Variants in PRR14L observed in about 807,000 individuals in gnomAD.
PRR14L encodes proline rich 14 like.
PRR14L carries 80 observed loss-of-function variants against 155.0 expected under a neutral mutation model. That is an observed-to-expected ratio of 0.52 (90% CI 0.43 to 0.62). The LOEUF is 0.62. PRR14L is among the 20% of genes least tolerant of loss of function. The probability of loss-of-function intolerance (pLI) is 0.00; values close to 1 mark genes in which losing one functional copy is unlikely to be tolerated. For synonymous variants in PRR14L, 883 were observed against 916.0 expected (o/e 0.96, Z 0.65); for missense variants, 2,469 against 2,548.0 (o/e 0.97, Z 0.67).
rs187032027 is a variant in PRR14L at position 31,702,672 on chromosome 22, C to T, written c.6000+878G>A. Among the ~76,000 whole-genome samples the T allele has an allele frequency of 5.2e-3, 793 of 152,196 alleles. 10 individuals carry two copies. The highest frequency in any genetic ancestry group is 0.018 in the African/African-American group (758 of 41,522). On this transcript the variant is annotated intron_variant, in intron 6 of 8. Transcript: ENST00000327423. ...CTGGGATTACAGGAATGTGCCACCACATTTGGCTAATTTTTGTATTTTTAG... is the reference window on the plus strand; with the variant it reads ...CTGGGATTACAGGAATGTGCCACCATATTTGGCTAATTTTTGTATTTTTAG...
In PRR14L at chr22:31,715,671, G is replaced by A. The variant is rs1368828401; in HGVS notation, c.2168C>T (p.Thr723Ile). 5 of 1,552,288 alleles carry A rather than the reference G, an allele frequency of 3.2e-6. No individual in the cohort carries two copies. The highest frequency in any genetic ancestry group is 1.2e-5 in the South Asian group (1 of 84,066). Residue 723 changes from threonine (T) to isoleucine (I), a missense_variant, in exon 4 of 9, where the codon ACC becomes ATC. By Grantham distance (89) the Thr-to-Ile change is moderately conservative. Coordinates refer to ENST00000327423, the MANE Select transcript of PRR14L (RefSeq NM_173566.3). ...IKDISPPGNQTCGASSNCPTL... is the reference protein window; with the variant it reads ...IKDISPPGNQICGASSNCPTL... ...GGGACAGTTTGAAGAGGCACCACAG[G>A]TTTGGTTACCTGGTGGAGAGATGTC...
Position 31,714,700 on chromosome 22 carries a change from C to A in PRR14L, c.3139G>T (p.Glu1047Ter). ...ATGTCTACCATACCTTCTGTGGACT[C>A]ATCACAACCAGACATCTTGACAAAG... The part of the protein sequence containing the change: ...GAFVKMSGCD[E>*]STEGMVDIVY... Residue 1047 changes from glutamate (E) to a stop codon, truncating the protein, a stop_gained, in exon 4 of 9, where the codon GAG becomes TAG. Transcript: ENST00000327423. LOFTEE classifies it high-confidence loss of function. 6.4e-7 allele frequency: 1 copy of A among 1,552,330 alleles called. No individual in the cohort carries two copies. Among genetic ancestry groups the A allele is most frequent in the Non-Finnish European group, 8.7e-7 (1 of 1,147,110 alleles).
intron 2 of PRR14L, among the ~76,000 whole-genome samples, chr22:31,729,807 G>T (rs892020699): frequency 1.3e-5 from 2 of 152,092 alleles, no homozygotes; most frequent in African/African-American, 4.8e-5. Flanking sequence ...AGTTTGGGAT[G>T]ATAAGAAAAG....
At position 31,712,681 on chromosome 22, in the gene PRR14L, A is replaced by C. The variant is rs1466468158; in HGVS notation, c.5158T>G (p.Ser1720Ala). 1.9e-6 allele frequency: 3 copies of C among 1,551,774 alleles called. No homozygotes were observed. In the South Asian group the frequency reaches 3.6e-5, roughly 18 times the overall value. ...LLFGSEIFPV[S>A]FHVKSSSSDC... ...GAGCTGGATGATTTCACATGAAAGGATACTGGGAAGATTTCAGAACCAAAC... is the reference window on the plus strand; with the variant it reads ...GAGCTGGATGATTTCACATGAAAGGCTACTGGGAAGATTTCAGAACCAAAC... Residue 1720 changes from serine to alanine, a missense_variant, in exon 4 of 9, where the codon TCC becomes GCC. This residue lies in a region of PRR14L where 2,363 missense variants were observed against 2,371.6 expected (regional missense o/e 1.00). Transcript: ENST00000327423.
chr22:31,710,459 C>CT (rs11300993), intron 4 of PRR14L, among the ~76,000 whole-genome samples: 57 of 145,902 alleles, frequency 3.9e-4, no homozygotes, highest in African/African-American at 6.7e-4. Flanking sequence ...TTTAGGGATT[C>CT]TTTTTTTTTT....
At chr22:31,700,564 C>CT (rs905464039) in intron 7 of PRR14L, among the ~76,000 whole-genome samples, 11 of 151,626 alleles carry the variant, frequency 7.3e-5, no homozygotes, top group African/African-American at 1.9e-4. Context: ...GTACAGAAAT[C>CT]TTTTTTTTTG....
chr22:31,689,002 CT>C (rs1367008899), intron 7 of PRR14L, among the ~76,000 whole-genome samples: 1 of 152,058 alleles, frequency 6.6e-6, no homozygotes, highest in African/African-American at 2.4e-5. Context: ...CATATGCTTG[CT>C]TTTTTCCTTT....
chr22:31,721,143 T>C (rs1257254307), intron 3 of PRR14L, among the ~76,000 whole-genome samples: 1 of 151,894 alleles, frequency 6.6e-6, no homozygotes, highest in Non-Finnish European at 1.5e-5. Flanking sequence ...CAAGAGTGCC[T>C]GATGGGGAAG....
rs570184923 is a variant in PRR14L at position 31,711,163 on chromosome 22, G to A, written c.5756+920C>T. ...TGTAATGGGTGTTTGTTTTCTGCAA[G>A]ATGGGCGCAAGAGTAGAAAAGAAGA... On this transcript the variant is annotated intron_variant, in intron 4 of 8. Transcript: ENST00000327423. 2.4e-4 allele frequency among the ~76,000 whole-genome samples: 36 copies of A among 152,256 alleles called. No homozygotes were observed. The South Asian group carries it at 6.0e-3, about 25-fold the overall frequency.
At chr22:31,729,749 G>A (rs2074737608) in intron 2 of PRR14L, among the ~76,000 whole-genome samples, 1 of 152,136 alleles carries the variant, frequency 6.6e-6, no homozygotes, top group African/African-American at 2.4e-5. Flanking sequence ...TGTCAAAGAC[G>A]GGGTAAGGGG....
At position 31,716,726 on chromosome 22, in the gene PRR14L, C is replaced by A; in HGVS notation, c.1113G>T (p.Lys371Asn). 6.4e-7 allele frequency: 1 copy of A among 1,551,840 alleles called. No individual in the cohort carries two copies. The highest frequency in any genetic ancestry group is 8.7e-7 in the Non-Finnish European group (1 of 1,147,000). The change falls in exon 4 of 9, where the codon AAG (lysine) becomes AAT (asparagine). Residue 371 changes from lysine to asparagine, a missense_variant. Around this residue, in one of 2 missense-constraint regions of PRR14L, gnomAD observed 2,363 missense variants for 2,371.6 expected, o/e 1.00. Transcript: ENST00000327423. ...NCGFEGGGLL[K>N]RSAEKTDSSY... is the part of the protein sequence containing the mutation. ...AACTGTCTGTCTTTTCAGCAGATCT[C>A]TTTAGCAAACCACCACCTTCAAAAC...
intron 2 of PRR14L, among the ~76,000 whole-genome samples, chr22:31,737,956 A>C (rs2074791173): frequency 1.3e-5 from 2 of 151,982 alleles, no homozygotes; most frequent in South Asian, 4.2e-4. Context: ...CAGAGGTTGC[A>C]GTGAGCCAAG....
At chr22:31,739,325 C>T (rs1323643962) in intron 1 of PRR14L, among the ~76,000 whole-genome samples, 6 of 152,146 alleles carry the variant, frequency 3.9e-5, no homozygotes, top group Non-Finnish European at 8.8e-5. Flanking sequence ...TCCCATAGTA[C>T]GTACTCGGCA....
At position 31,695,468 on chromosome 22, in the gene PRR14L, G is replaced by A. The variant is rs547671100; in HGVS notation, c.6107+6188C>T. Reference sequence around the variant, plus strand: ...TTCTCTGCCCTAGTGGTGCGGCCAGGACATGTAGTCCCTCAGTGACTTTGC... The same window carrying A: ...TTCTCTGCCCTAGTGGTGCGGCCAGAACATGTAGTCCCTCAGTGACTTTGC... On this transcript the variant is annotated intron_variant, in intron 7 of 8. Transcript: ENST00000327423. 2.0e-5 allele frequency among the ~76,000 whole-genome samples: 3 copies of A among 152,132 alleles called. No individual in the cohort carries two copies. In the South Asian group the frequency reaches 6.2e-4, roughly 31 times the overall value.
intron 3 of PRR14L, among the ~76,000 whole-genome samples, chr22:31,718,093 A>G (rs1239639631): frequency 6.6e-6 from 1 of 151,398 alleles, no homozygotes; most frequent in Non-Finnish European, 1.5e-5. Context: ...ATGCCCGCCT[A>G]ATTTTTGTAG....
At chr22:31,734,856 G>A (rs1295025004) in intron 2 of PRR14L, among the ~76,000 whole-genome samples, 2 of 152,170 alleles carry the variant, frequency 1.3e-5, no homozygotes, top group African/African-American at 2.4e-5. Flanking sequence ...ACACAACAGA[G>A]CATGACCACC....
chr22:31,720,666 C>T (rs187977953), intron 3 of PRR14L, among the ~76,000 whole-genome samples: 156 of 152,302 alleles, frequency 1.0e-3, no homozygotes, highest in Non-Finnish European at 1.4e-3. Flanking sequence ...GCCCCGGAAG[C>T]GAAGGTTGCA....
rs773744766 is a variant in PRR14L, at chr22:31,713,252, A to G, written c.4587T>C (p.Val1529=). The G allele has an allele frequency of 1.2e-5, 19 of 1,552,128 alleles. No individual in the cohort carries two copies. In the South Asian group the frequency reaches 2.0e-4, roughly 17 times the overall value. Residue 1529 remains valine, a synonymous_variant, in exon 4 of 9, where the codon GTT becomes GTC. Transcript: ENST00000327423. ...CAACAATGATTTGCTCCTGATAGGA[A>G]ACTTTCTTACAAGTTCGATGGGGCT... ...KKQPHRTCKK[V]SYQEQIIVGR...
At chr22:31,711,054 C>G (rs2074618247) in intron 4 of PRR14L, among the ~76,000 whole-genome samples, 1 of 152,136 alleles carries the variant, frequency 6.6e-6, no homozygotes, top group South Asian at 2.1e-4. Flanking sequence ...CTCTACATAT[C>G]AGAGTTAGGT....
Sources: allele counts gnomAD v4.1 joint callset (sites outside exome capture counted in the v4.1 genomes callset), GRCh38; gene constraint gnomAD v4.1.1; regional missense constraint gnomAD v4.1.1; transcripts MANE v1.5; gene names NCBI Gene and HGNC (gene_info 2026-07-23, HGNC 2026-07-21).